Variants in DNAH14 observed in about 807,000 individuals in gnomAD.
The protein encoded by DNAH14 is axonemal beta dynein heavy chain 14.
A neutral mutation model predicts 520.9 loss-of-function variants in DNAH14; 478 were observed. The ratio of observed to expected loss-of-function variants is 0.92; its 90% confidence interval spans 0.85 to 0.99. The LOEUF (loss-of-function observed/expected upper bound fraction) is 0.99. Ranked by LOEUF, DNAH14 falls within the 50% of genes least tolerant of loss-of-function variation. The pLI, the probability that DNAH14 is intolerant of heterozygous loss-of-function variation, is 0.00. For missense variants in DNAH14, 4,831 were observed against 5,234.5 expected (o/e 0.92, Z 2.38); for synonymous variants, 1,581 against 1,757.2 (o/e 0.90, Z 2.51).
At chr1:225,197,168 T>C (rs2086252542) in intron 38 of DNAH14, among the ~76,000 whole-genome samples, 1 of 152,186 alleles carries the variant, frequency 6.6e-6, no homozygotes, top group African/African-American at 2.4e-5. Context: ...ATTTTTATGG[T>C]TTCAGGTCTT....
At chr1:225,313,184 T>A (rs2094402763) in intron 60 of DNAH14, among the ~76,000 whole-genome samples, 1 of 152,220 alleles carries the variant, frequency 6.6e-6, no homozygotes, top group Non-Finnish European at 1.5e-5. Flanking sequence ...AGGGTGTATG[T>A]GTCCAGGAAT....
intron 23 of DNAH14, among the ~76,000 whole-genome samples, chr1:225,106,429 G>T (rs573832855): frequency 6.6e-6 from 1 of 152,192 alleles, no homozygotes; most frequent in South Asian, 2.1e-4. Flanking sequence ...ATGTTGGCCT[G>T]CCTTGCTAGA....
rs773462913 is a variant in DNAH14 at position 225,377,440 on chromosome 1, A to G, written c.12716+4A>G. ...CCACTGCCAACCTCATGATCAGGTA[A>G]GAACTCGCTAGGAAAAATTGTTGGT... is the stretch of plus-strand genomic sequence containing the variant. On this transcript the variant is annotated splice_donor_region_variant and intron_variant, in intron 79 of 85. Transcript: ENST00000682510. The G allele has an allele frequency of 2.3e-5, 35 of 1,538,076 alleles. No individual in the cohort carries two copies. The highest frequency in any genetic ancestry group is 3.0e-5 in the Non-Finnish European group (34 of 1,140,382).
chr1:225,352,826 A>T (rs1289930084), intron 72 of DNAH14, among the ~76,000 whole-genome samples: 1 of 151,776 alleles, frequency 6.6e-6, no homozygotes, highest in African/African-American at 2.4e-5. Context: ...TCTTCCTTTA[A>T]ACATTCTTGA....
At chr1:225,244,996 A>T (rs1195900452) in intron 43 of DNAH14, among the ~76,000 whole-genome samples, 1 of 152,128 alleles carries the variant, frequency 6.6e-6, no homozygotes, top group Non-Finnish European at 1.5e-5. Flanking sequence ...AGTGCTATAA[A>T]TTTCCCTCTT....
At chr1:225,354,408 AGAAACTGGCT>A in intron 73 of DNAH14, 1 of 621,896 alleles carries the variant, frequency 1.6e-6, no homozygotes, top group South Asian at 1.8e-5. Context: ...CAATTGTTTC[AGAAACTGGCT>A]GAGGGTAGAG....
At chr1:225,342,407 T>C (rs1558463985) in intron 69 of DNAH14, among the ~76,000 whole-genome samples, 1 of 151,926 alleles carries the variant, frequency 6.6e-6, no homozygotes, top group Non-Finnish European at 1.5e-5. Flanking sequence ...GAAACCTGAG[T>C]ACAGTCACCT....
chr1:225,040,060 C>T (rs2067331429), intron 12 of DNAH14, among the ~76,000 whole-genome samples: 1 of 150,468 alleles, frequency 6.6e-6, no homozygotes, highest in African/African-American at 2.4e-5. Flanking sequence ...GCCTCAGCCT[C>T]CCGAGTAGCT....
chr1:225,167,340 A>G (rs775961337), intron 35 of DNAH14, among the ~76,000 whole-genome samples: 4 of 152,240 alleles, frequency 2.6e-5, no homozygotes, highest in Admixed American at 2.0e-4. Context: ...TACCAATTCT[A>G]TCTACAGTGA....
chr1:225,255,128 G>C (rs1574323007), intron 44 of DNAH14, among the ~76,000 whole-genome samples: 1 of 152,218 alleles, frequency 6.6e-6, no homozygotes, highest in East Asian at 1.9e-4. Flanking sequence ...TTGTTATCAT[G>C]GGCAGGGGGT....
rs531376726 is a variant in DNAH14, at chr1:225,011,516, G to C, written c.1107+3972G>C. ...TGTTAATTTTCTGTCTCATTGATCTGTTGACAGTGAGGTGTTAAAGTCTCC... is the reference window on the plus strand; with the variant it reads ...TGTTAATTTTCTGTCTCATTGATCTCTTGACAGTGAGGTGTTAAAGTCTCC... On this transcript the variant is annotated intron_variant, in intron 10 of 85. Transcript: ENST00000682510. 1.5e-4 allele frequency among the ~76,000 whole-genome samples: 23 copies of C among 152,096 alleles called. No homozygotes were observed. In the South Asian group the frequency reaches 4.8e-3, roughly 32 times the overall value.
intron 42 of DNAH14, among the ~76,000 whole-genome samples, chr1:225,238,299 G>T (rs2091737587): frequency 6.6e-6 from 1 of 152,034 alleles, no homozygotes; most frequent in Admixed American, 6.6e-5. Context: ...GGTTTTTGTG[G>T]GGTATTTTTG....
intron 35 of DNAH14, among the ~76,000 whole-genome samples, chr1:225,161,276 G>C (rs527302677): frequency 5.3e-5 from 8 of 152,284 alleles, no homozygotes; most frequent in African/African-American, 1.9e-4. Context: ...TGCAATGTTT[G>C]TGTTTCTGTG....
chr1:225,257,890 A>AG lies in DNAH14; in HGVS notation c.6866-70_6866-69insG. The AG allele has an allele frequency of 7.1e-6, 8 of 1,121,580 alleles. No individual in the cohort carries two copies. In the African/African-American group the frequency reaches 1.0e-4, roughly 14 times the overall value. The allele number at this position is 1,121,580 out of a possible 1,614,324, so 69.5% of individuals were successfully genotyped here. A position where few individuals can be genotyped will look rare whatever the true frequency, so the allele number is the denominator to read the frequency against. On this transcript the variant is annotated intron_variant, in intron 44 of 85. Transcript: ENST00000682510. ...GAAAATAAAATAATCCTAATGACAA[A>AG]AAAAAAAAAAAGATGAGGTGAATAG...
intron 41 of DNAH14, among the ~76,000 whole-genome samples, chr1:225,224,893 C>T (rs1480693551): frequency 6.6e-6 from 1 of 152,166 alleles, no homozygotes; most frequent in East Asian, 1.9e-4. Context: ...AAACAGCCCT[C>T]ATTAAGTCCA....
intron 21 of DNAH14, among the ~76,000 whole-genome samples, chr1:225,091,364 A>G (rs2074378272): frequency 6.6e-6 from 1 of 152,174 alleles, no homozygotes; most frequent in Non-Finnish European, 1.5e-5. Flanking sequence ...AGGAAACCCT[A>G]TCAGGTTAAG....
chr1:225,289,296 G>T (rs902643481), intron 54 of DNAH14, among the ~76,000 whole-genome samples: 2 of 152,154 alleles, frequency 1.3e-5, no homozygotes, highest in Non-Finnish European at 2.9e-5. Flanking sequence ...GTTGGATGGT[G>T]ATTGACTGCC....
chr1:225,322,962 G>C (rs2094583430), intron 62 of DNAH14, 139 bp downstream of exon 62: 1 of 957,348 alleles, frequency 1.0e-6, no homozygotes, highest in African/African-American at 1.6e-5. Flanking sequence ...CCAGGCAAGA[G>C]AGGAGTTGCC....
In DNAH14 at chr1:225,232,255, A is replaced by G. The variant is rs183791774; in HGVS notation, c.6518+1104A>G. Among the ~76,000 whole-genome samples, 2 of 147,288 alleles carry G rather than the reference A, an allele frequency of 1.4e-5. No homozygotes were observed. Among genetic ancestry groups the G allele is most frequent in the East Asian group, 3.9e-4 (2 of 5,074 alleles). The stretch of plus-strand genomic sequence containing the variant: ...CTACCTACTAGTCCATTGTCATTAT[A>G]TATATAAACTGTGATATATATATAT... On this transcript the variant is annotated intron_variant, in intron 42 of 85. Transcript: ENST00000682510. This position sits in a 1 kb window ranked among gnomAD's most constrained non-coding sequence, Gnocchi z 4.2.
Sources: gnomAD v4.1 joint callset for allele counts (sites outside exome capture counted in the v4.1 genomes callset) on GRCh38, gnomAD v4.1.1 for gene constraint, Gnocchi (gnomAD v3.1) non-coding constraint, MANE v1.5 for transcripts, NCBI Gene and HGNC (gene_info 2026-07-23, HGNC 2026-07-21) for gene names.